The following MOSPD2 variants were observed in gnomAD, a reference collection of about 807,000 sequenced individuals.
MOSPD2 encodes motile sperm domain-containing protein 2.
MOSPD2 carries 5 observed loss-of-function variants against 41.7 expected under a neutral mutation model. That is an observed-to-expected ratio of 0.12 (90% confidence interval 0.06 to 0.25). The LOEUF (loss-of-function observed/expected upper bound fraction) is 0.25. MOSPD2 is among the 10% of genes least tolerant of loss of function. MOSPD2 has a pLI of 1.00. For synonymous variants in MOSPD2, 115 were observed against 126.9 expected, an observed-to-expected ratio of 0.91 and a Z score of 0.63; for missense variants, 282 against 375.2, an observed-to-expected ratio of 0.75 and a Z score of 2.05.
intron 2 of MOSPD2, among the ~76,000 whole-genome samples, chrX:14,881,603 G>A (rs1027612407): frequency 2.7e-5 from 3 of 111,890 alleles, no homozygotes; most frequent in Non-Finnish European, 5.6e-5. Context: ...GCATGTGGCA[G>A]GTGATCAGAG....
At chrX:14,893,966 G>A (rs1287486508) in intron 3 of MOSPD2, among the ~76,000 whole-genome samples, 1 of 112,091 alleles carries the variant, frequency 8.9e-6, no homozygotes, top group Non-Finnish European at 1.9e-5. Context: ...ATCTTTGAAA[G>A]GTCTTAAGGT....
intron 2 of MOSPD2, among the ~76,000 whole-genome samples, chrX:14,888,206 G>GTGCA (rs1555909428): frequency 1.8e-5 from 1 of 56,753 alleles, no homozygotes; most frequent in Non-Finnish European, 4.2e-5. Flanking sequence ...ACACACACAC[G>GTGCA]CACACACACA....
chrX:14,877,927 C>T (rs2092524284), intron 2 of MOSPD2, among the ~76,000 whole-genome samples: 1 of 105,752 alleles, frequency 9.5e-6, no homozygotes, highest in South Asian at 4.3e-4. Context: ...GCAGTGAGCA[C>T]AGATCACACC....
chrX:14,901,330 G>A, intron 6 of MOSPD2, among the ~76,000 whole-genome samples: 1 of 111,682 alleles, frequency 9.0e-6, no homozygotes, highest in Non-Finnish European at 1.9e-5. Flanking sequence ...GTTTAAAAGT[G>A]AAAAGACAGC....
intron 3 of MOSPD2, 85 bp downstream of exon 3, chrX:14,892,963 T>C: frequency 1.5e-6 from 1 of 688,989 alleles, no homozygotes; most frequent in Non-Finnish European, 2.2e-6. Context: ...TATTTGCACA[T>C]ATTCCTAGCA....
chrX:14,905,188 C>G (rs924904577), intron 7 of MOSPD2, among the ~76,000 whole-genome samples: 6 of 111,738 alleles, frequency 5.4e-5, no homozygotes, highest in African/African-American at 1.3e-4. Flanking sequence ...GATGCTTCCC[C>G]CCTAAGATCA....
At chrX:14,873,945 T>C in intron 2 of MOSPD2, 187 bp downstream of exon 2, 1 of 466,740 alleles carries the variant, frequency 2.1e-6, no homozygotes. Flanking sequence ...AATGGTCAAG[T>C]GGTGTGTCCC....
At position 14,886,933 on chromosome X, in the gene MOSPD2, A is replaced by T. The variant is rs761045327; in HGVS notation, c.80-5790A>T. 5.9e-4 allele frequency among the ~76,000 whole-genome samples: 66 copies of T among 112,618 alleles called. 1 individual carries two copies. Among genetic ancestry groups the T allele is most frequent in the Admixed American group, 5.4e-3 (57 of 10,636 alleles). On this transcript the variant is annotated intron_variant, in intron 2 of 14. Coordinates refer to ENST00000380492, the MANE Select transcript of MOSPD2 (RefSeq NM_152581.4). ...TCACCAGTTTCACAAGAAAGTGGAGATTCAGAATAGGTTGTGGCCAACTAG... is the reference window on the plus strand; with the variant it reads ...TCACCAGTTTCACAAGAAAGTGGAGTTTCAGAATAGGTTGTGGCCAACTAG...
chrX:14,892,831 A>G lies in MOSPD2; in HGVS notation c.188A>G (p.Lys63Arg). 1.7e-6 allele frequency: 2 copies of G among 1,207,881 alleles called. No homozygotes were observed. The highest frequency in any genetic ancestry group is 2.2e-6 in the Non-Finnish European group (2 of 892,329). Residue 63 changes from lysine (K) to arginine (R), a missense_variant, in exon 3 of 15, where the codon AAG becomes AGG. Lys to Arg is a conservative substitution (Grantham distance 26). Around this residue, in one of 3 missense-constraint regions of MOSPD2, gnomAD observed 187 missense variants for 256.6 expected, o/e 0.73. Transcript: ENST00000380492. Reference sequence around the variant, plus strand: ...CATAATATTGTAGATGAAACACTGAAGATGCTCGATGAGAGTTTTCAGTGG... The same window carrying G: ...CATAATATTGTAGATGAAACACTGAGGATGCTCGATGAGAGTTTTCAGTGG... ...WRHNIVDETL[K>R]MLDESFQWRK...
In MOSPD2 at chrX:14,914,566, G is replaced by A. The variant is rs758399724; in HGVS notation, c.1056G>A (p.Leu352=). The A allele has an allele frequency of 3.4e-6, 4 of 1,163,295 alleles. No homozygotes were observed. Among genetic ancestry groups the A allele is most frequent in the Non-Finnish European group, 4.7e-6 (4 of 858,782 alleles). The stretch of plus-strand genomic sequence containing the variant: ...GAGAGAAGAAAACCTTAATAGTGTT[G>A]ACAAATGTAACTAAAAATATAGTGG... ...ESGEKKTLIV[L]TNVTKNIVAF... Residue 352 remains leucine (L), a synonymous_variant, in exon 11 of 15, where the codon TTG becomes TTA. Transcript: ENST00000380492.
chrX:14,902,888 G>GT, intron 6 of MOSPD2, 78 bp from the exon 7 acceptor site: 2 of 745,239 alleles, frequency 2.7e-6, no homozygotes, highest in Non-Finnish European at 4.1e-6. Flanking sequence ...TAGATGACCA[G>GT]TTTTTTCTAG....
Position 14,920,137 on chromosome X carries a change from T to A in MOSPD2, c.*328T>A, listed in dbSNP as rs936693731. On this transcript the variant is annotated 3_prime_UTR_variant, in exon 15 of 15. Coordinates refer to ENST00000380492, the MANE Select transcript of MOSPD2 (RefSeq NM_152581.4). ...CTTAAGTTTTATCGTGTAAATACAT[T>A]AGCTAAACTGAAAAGTATAAGTAAC... 5.4e-6 allele frequency: 4 copies of A among 742,665 alleles called. No individual in the cohort carries two copies. In the African/African-American group the frequency reaches 9.2e-5, roughly 17 times the overall value. 61.2% of individuals were successfully genotyped at this position (742,665 alleles called of 1,213,427 possible).
rs187033542 is a variant in MOSPD2 at position 14,918,823 on chromosome X, C to T, written c.1419+41C>T. 5.3e-5 allele frequency: 45 copies of T among 855,685 alleles called. No individual in the cohort carries two copies. In the Admixed American group the frequency reaches 8.7e-4, roughly 17 times the overall value. 70.5% of individuals were successfully genotyped at this position (855,685 alleles called of 1,213,427 possible). On this transcript the variant is annotated intron_variant, in intron 14 of 14. Coordinates refer to ENST00000380492, the MANE Select transcript of MOSPD2 (RefSeq NM_152581.4). Reference sequence around the variant, plus strand: ...TCCTACCCAAACAAAGTTGTTAATGCTGATCAACATTAGAAATCCCTTTTT... The same window carrying T: ...TCCTACCCAAACAAAGTTGTTAATGTTGATCAACATTAGAAATCCCTTTTT...
At chrX:14,904,294 T>C (rs1328166256) in intron 7 of MOSPD2, among the ~76,000 whole-genome samples, 1 of 112,013 alleles carries the variant, frequency 8.9e-6, no homozygotes, top group Non-Finnish European at 1.9e-5. Flanking sequence ...TTATACACCA[T>C]GACCAAGTGG....
At chrX:14,909,100 T>C (rs1307092807) in intron 8 of MOSPD2, 116 bp downstream of exon 8, 25 of 589,515 alleles carry the variant, frequency 4.2e-5, no homozygotes, top group Non-Finnish European at 3.8e-5. Context: ...ATATCACAGA[T>C]ACCCCCAAAA....
rs2147507429 is a variant in MOSPD2, at chrX:14,920,687, G to A, written c.*878G>A. On this transcript the variant is annotated 3_prime_UTR_variant, in exon 15 of 15. Coordinates refer to ENST00000380492, the MANE Select transcript of MOSPD2 (RefSeq NM_152581.4). ...CCCATTCCAGAGCAGAGGAGTCTCT[G>A]TGGACCATGAATTGCACTGTCTCCC... The A allele has an allele frequency of 2.7e-6, 2 of 751,870 alleles. No individual in the cohort carries two copies. The highest frequency in any genetic ancestry group is 1.4e-4 in the South Asian group (2 of 14,614). 62.0% of individuals were successfully genotyped at this position (751,870 alleles called of 1,213,427 possible).
At chrX:14,888,583 T>C (rs1457340564) in intron 2 of MOSPD2, among the ~76,000 whole-genome samples, 1 of 111,468 alleles carries the variant, frequency 9.0e-6, no homozygotes, top group Non-Finnish European at 1.9e-5. Context: ...CCTCTTTTTC[T>C]TTCCAGTCTC....
At chrX:14,908,438 G>A (rs1267374798) in intron 7 of MOSPD2, among the ~76,000 whole-genome samples, 2 of 111,507 alleles carry the variant, frequency 1.8e-5, no homozygotes, top group Non-Finnish European at 3.8e-5. Flanking sequence ...TTTCTGACTC[G>A]CTGTTTGAGA....
At chrX:14,907,565 A>T (rs1309060972) in intron 7 of MOSPD2, among the ~76,000 whole-genome samples, 1 of 112,763 alleles carries the variant, frequency 8.9e-6, no homozygotes, top group African/African-American at 3.2e-5. Context: ...ATTATGAATG[A>T]AACTTGAAAA....
Sources: allele counts gnomAD v4.1 joint callset (sites outside exome capture counted in the v4.1 genomes callset), GRCh38; gene constraint gnomAD v4.1.1; regional missense constraint gnomAD v4.1.1; transcripts MANE v1.5; gene names NCBI Gene and HGNC (gene_info 2026-07-23, HGNC 2026-07-21).